GRK5: variants seen among roughly 807,000 people sequenced by gnomAD.
GRK5 encodes the protein G protein-coupled receptor kinase 5, also known as g protein-coupled receptor kinase GRK5.
GRK5 carries 40 observed loss-of-function variants against 78.4 expected under a neutral mutation model. That is an observed-to-expected ratio of 0.51 (90% CI 0.40 to 0.66). The LOEUF is 0.66. Among genes scored for constraint, GRK5 ranks in the 30% least tolerant of loss-of-function variants. GRK5 has a pLI of 0.00. For synonymous variants in GRK5, 289 were observed against 296.8 expected, an observed-to-expected ratio of 0.97 and a Z score of 0.27; for missense variants, 598 against 759.9, an observed-to-expected ratio of 0.79 and a Z score of 2.50.
chr10:119,447,031 T>C (rs1853164202), intron 12 of GRK5, among the ~76,000 whole-genome samples: 1 of 152,240 alleles, frequency 6.6e-6, no homozygotes, highest in South Asian at 2.1e-4. Context: ...TGCGTACAGC[T>C]GCAGCGCTCA....
chr10:119,432,247 A>G (rs534923976), intron 8 of GRK5, among the ~76,000 whole-genome samples: 11 of 151,812 alleles, frequency 7.2e-5, no homozygotes, highest in African/African-American at 2.2e-4. Flanking sequence ...TGTGAAGTGC[A>G]TGGATATTTG....
chr10:119,454,957 C>A lies in GRK5; in HGVS notation c.1675-12C>A. On this transcript the variant is annotated splice_polypyrimidine_tract_variant and intron_variant, in intron 15 of 15. Transcript: ENST00000392870. ...GTTCTCTCCACCCCGTCTCCCCCAA[C>A]CCCAACCCCAGCATCAGAACAATTC... The A allele has an allele frequency of 4.4e-6, 7 of 1,593,042 alleles. No homozygotes were observed. Among genetic ancestry groups the A allele is most frequent in the Non-Finnish European group, 5.2e-6 (6 of 1,161,626 alleles).
intron 3 of GRK5, among the ~76,000 whole-genome samples, chr10:119,381,723 C>G (rs1851712589): frequency 6.6e-6 from 1 of 152,080 alleles, no homozygotes; most frequent in Non-Finnish European, 1.5e-5. Flanking sequence ...GGAGAGCGGT[C>G]ATGAAGGGTG....
intron 4 of GRK5, among the ~76,000 whole-genome samples, chr10:119,398,074 G>A (rs1390331228): frequency 1.3e-5 from 2 of 152,206 alleles, no homozygotes; most frequent in Non-Finnish European, 2.9e-5. Context: ...CCCTGGGTAG[G>A]CACAGCTGCC....
chr10:119,441,887 C>G lies in GRK5; in HGVS notation c.968-112C>G. On this transcript the variant is annotated intron_variant, in intron 10 of 15. Coordinates refer to ENST00000392870, the MANE Select transcript of GRK5 (RefSeq NM_005308.3). ...ATGGCAGATTGGGGTCCCTGTTGTC[C>G]TTGGACAGATGAGAATGCCGAGAGC... The G allele has an allele frequency of 3.8e-6, 3 of 795,650 alleles. No homozygotes were observed. In the South Asian group the frequency reaches 4.5e-5, roughly 12 times the overall value. 49.3% of individuals were successfully genotyped at this position (795,650 alleles called of 1,614,324 possible). A position where few individuals can be genotyped will look rare whatever the true frequency, so the allele number is the denominator to read the frequency against.
At chr10:119,260,411 CTTTT>C (rs576259096) in intron 1 of GRK5, among the ~76,000 whole-genome samples, 1 of 80,624 alleles carries the variant, frequency 1.2e-5, no homozygotes, top group East Asian at 3.4e-4. Context: ...ATGACATGGT[CTTTT>C]TTTTTTTTTA....
intron 1 of GRK5, among the ~76,000 whole-genome samples, chr10:119,285,696 G>T (rs576926589): frequency 6.6e-6 from 1 of 152,126 alleles, no homozygotes; most frequent in African/African-American, 2.4e-5. Flanking sequence ...GCGGTGACAC[G>T]GTAAAAGGAG....
Position 119,455,402 on chromosome 10 carries a change from T to C in GRK5, c.*335T>C, listed in dbSNP as rs1853385811. On this transcript the variant is annotated 3_prime_UTR_variant, in exon 16 of 16. Transcript: ENST00000392870. Reference sequence around the variant, plus strand: ...CTTTATGATTTTTAAAGAAAAGTTTTGTAAATTTCTCTACTGTCTCAGTTT... The same window carrying C: ...CTTTATGATTTTTAAAGAAAAGTTTCGTAAATTTCTCTACTGTCTCAGTTT... 4.2e-6 allele frequency: 2 copies of C among 481,182 alleles called. No homozygotes were observed. Among genetic ancestry groups the C allele is most frequent in the African/African-American group, 4.0e-5 (2 of 50,092 alleles). 29.8% of individuals were successfully genotyped at this position (481,182 alleles called of 1,614,324 possible).
At chr10:119,408,333 C>G (rs1218123830) in intron 4 of GRK5, among the ~76,000 whole-genome samples, 1 of 85,986 alleles carries the variant, frequency 1.2e-5, no homozygotes, top group East Asian at 2.6e-4. Flanking sequence ...CAGAGCAAAA[C>G]CCTGTCTCAA....
intron 1 of GRK5, among the ~76,000 whole-genome samples, chr10:119,292,031 TCTCCTCCTCTTCCTCCTTCTC>T (rs1564879591): frequency 3.4e-4 from 16 of 47,116 alleles, no homozygotes; most frequent in African/African-American, 1.5e-3. Flanking sequence ...TCCTCCTTCT[TCTCCTCCTCTTCCTCCTTCTC>T]CTCCTCCTCT....
chr10:119,275,260 T>A (rs1849649549), intron 1 of GRK5, among the ~76,000 whole-genome samples: 1 of 152,134 alleles, frequency 6.6e-6, no homozygotes, highest in African/African-American at 2.4e-5. Context: ...TTGATCAGTA[T>A]CTTGGGTTTC....
At chr10:119,222,659 C>T (rs895251263) in intron 1 of GRK5, among the ~76,000 whole-genome samples, 3 of 152,054 alleles carry the variant, frequency 2.0e-5, no homozygotes, top group Non-Finnish European at 4.4e-5. Context: ...CAGAGCCCCA[C>T]GGCCTTCAGT....
chr10:119,398,366 G>A (rs1852092092), intron 4 of GRK5, among the ~76,000 whole-genome samples: 2 of 151,888 alleles, frequency 1.3e-5, no homozygotes, highest in East Asian at 1.9e-4. Context: ...CTCCTATGGT[G>A]TGCCACATGC....
chr10:119,249,554 A>G (rs1254257144), intron 1 of GRK5, among the ~76,000 whole-genome samples: 4 of 151,928 alleles, frequency 2.6e-5, no homozygotes, highest in African/African-American at 9.6e-5. Flanking sequence ...CTGGAGTGCA[A>G]TGGCGCGATC....
intron 4 of GRK5, among the ~76,000 whole-genome samples, chr10:119,404,985 G>GTGTTACTTT: frequency 1.3e-5 from 2 of 152,230 alleles, no homozygotes; most frequent in Admixed American, 6.5e-5. Context: ...GTTACTTGTA[G>GTGTTACTTT]GACATTTTGC....
chr10:119,303,198 A>T (rs1850212928), intron 1 of GRK5, among the ~76,000 whole-genome samples: 1 of 152,196 alleles, frequency 6.6e-6, no homozygotes, highest in Non-Finnish European at 1.5e-5. Context: ...GTAAAACGCT[A>T]GTTGGACGAG....
chr10:119,239,329 G>A (rs971993001), intron 1 of GRK5, among the ~76,000 whole-genome samples: 5 of 151,856 alleles, frequency 3.3e-5, no homozygotes, highest in African/African-American at 1.2e-4. Flanking sequence ...CCGCCTCCCG[G>A]TTTCAAGCGA....
chr10:119,413,090 A>C (rs1416270602), intron 4 of GRK5, among the ~76,000 whole-genome samples: 3 of 152,172 alleles, frequency 2.0e-5, no homozygotes, highest in African/African-American at 7.2e-5. Context: ...AATTTACTGC[A>C]GAGATGAGGA....
intron 2 of GRK5, among the ~76,000 whole-genome samples, chr10:119,344,871 A>AT (rs1456069404): frequency 5.9e-4 from 28 of 47,554 alleles, no homozygotes; most frequent in Admixed American, 3.5e-3. Context: ...CACAAGACCC[A>AT]CCCTTCCTTC....
Sources: gnomAD v4.1 joint callset for allele counts (sites outside exome capture counted in the v4.1 genomes callset) on GRCh38, gnomAD v4.1.1 for gene constraint, MANE v1.5 for transcripts, NCBI Gene and HGNC (gene_info 2026-07-23, HGNC 2026-07-21) for gene names.